INPP5K: variants seen among roughly 807,000 people sequenced by gnomAD.
The protein encoded by INPP5K is inositol polyphosphate-5-phosphatase K, also known as inositol polyphosphate 5-phosphatase K.
In INPP5K, 35 loss-of-function variants were observed where a neutral mutation model predicts 53.5. The observed-to-expected ratio is 0.65, with a 90% CI of 0.50 to 0.87. INPP5K has a LOEUF of 0.87. Among genes scored for constraint, INPP5K ranks in the 40% least tolerant of loss-of-function variants. The probability of loss-of-function intolerance (pLI) is 0.00; values close to 1 mark genes in which losing one functional copy is unlikely to be tolerated. For synonymous variants in INPP5K, 253 were observed against 232.8 expected (o/e 1.09, Z -0.79); for missense variants, 550 against 586.2 (o/e 0.94, Z 0.64).
intron 10 of INPP5K, 76 bp from the exon 11 acceptor site, chr17:1,496,240 A>C: frequency 6.7e-7 from 1 of 1,498,114 alleles, no homozygotes; most frequent in Non-Finnish European, 9.2e-7. Context: ...CAAGTTATTC[A>C]GCACTCTGTT....
intron 2 of INPP5K, 139 bp from the exon 3 acceptor site, chr17:1,513,700 C>G: frequency 2.2e-6 from 2 of 917,472 alleles, no homozygotes. Flanking sequence ...CTGCTGATCT[C>G]CAGCCCCCTT....
Position 1,495,540 on chromosome 17 carries a change from C to A in INPP5K, c.*283G>T. On this transcript the variant is annotated 3_prime_UTR_variant, in exon 12 of 12. Coordinates refer to ENST00000421807, the MANE Select transcript of INPP5K (RefSeq NM_016532.4). Reference sequence around the variant, plus strand: ...CAAGACTAGAAGAGGGGGTAGGAATCCAGAAATGAGACGCAGAACTGTCCC... The same window carrying A: ...CAAGACTAGAAGAGGGGGTAGGAATACAGAAATGAGACGCAGAACTGTCCC... 1 of 411,988 alleles carries A rather than the reference C, an allele frequency of 2.4e-6. No individual in the cohort carries two copies. The highest frequency in any genetic ancestry group is 4.4e-6 in the Non-Finnish European group (1 of 228,500). The allele number at this position is 411,988 out of a possible 1,614,324, so 25.5% of individuals were successfully genotyped here.
In INPP5K at chr17:1,495,899, G is replaced by T. The variant is rs1598356674; in HGVS notation, c.1291-20C>A. On this transcript the variant is annotated intron_variant, in intron 11 of 11. Transcript: ENST00000421807. The stretch of plus-strand genomic sequence containing the variant: ...CGGGATCTGCAGGGATAAAGCAGGT[G>T]GTGGAAATGGAGAGCGGGTCTTCCT... The T allele has an allele frequency of 6.2e-7, 1 of 1,602,392 alleles. No individual in the cohort carries two copies. The highest frequency in any genetic ancestry group is 8.5e-7 in the Non-Finnish European group (1 of 1,170,020).
At chr17:1,507,121 G>T in intron 6 of INPP5K, 32 bp from the exon 7 acceptor site, 5 of 1,568,918 alleles carry the variant, frequency 3.2e-6, no homozygotes, top group Non-Finnish European at 4.4e-6. Context: ...CCGTCTCCCA[G>T]TAGTCTCGAC....
intron 7 of INPP5K, among the ~76,000 whole-genome samples, chr17:1,499,235 C>A (rs149378314): frequency 6.6e-6 from 1 of 152,128 alleles, no homozygotes; most frequent in Non-Finnish European, 1.5e-5. Flanking sequence ...ACTGAGAGGC[C>A]GCGCGCGGTG....
At position 1,496,947 on chromosome 17, in the gene INPP5K, C is replaced by A. The variant is rs1018058164; in HGVS notation, c.964-144G>T. The stretch of plus-strand genomic sequence containing the variant: ...GGGCATGGAACTCCACTGGGCTGCT[C>A]CAACGGACCTTGGCTGGCCATCAGG... On this transcript the variant is annotated intron_variant, in intron 8 of 11. Transcript: ENST00000421807. 9.1e-6 allele frequency: 7 copies of A among 772,300 alleles called. No homozygotes were observed. The Admixed American group carries it at 1.8e-4, about 19-fold the overall frequency. 47.8% of individuals were successfully genotyped at this position (772,300 alleles called of 1,614,324 possible).
In INPP5K at chr17:1,509,703, T is replaced by TG; in HGVS notation, c.357dup (p.Thr120HisfsTer46). 2 of 1,608,084 alleles carry TG rather than the reference T, an allele frequency of 1.2e-6. No individual in the cohort carries two copies. The highest frequency in any genetic ancestry group is 1.7e-6 in the Non-Finnish European group (2 of 1,174,780). On this transcript the variant is annotated frameshift_variant, in exon 4 of 12. Transcript: ENST00000421807. LOFTEE classifies it high-confidence loss of function. ...CTTACCCAGTACCCAAACAGGCCAG[T>TG]GGGGGTGGATTTAGTAGACAGAATC...
chr17:1,515,264 T>C (rs1270083511), intron 1 of INPP5K, among the ~76,000 whole-genome samples: 2 of 152,238 alleles, frequency 1.3e-5, no homozygotes, highest in Admixed American at 6.5e-5. Flanking sequence ...CTATGCTCTA[T>C]GTCTGCGTAG....
intron 2 of INPP5K, 59 bp from the exon 3 acceptor site, chr17:1,513,620 G>A: frequency 4.3e-6 from 6 of 1,398,676 alleles, no homozygotes; most frequent in Non-Finnish European, 6.1e-6. Context: ...CCCTGCCACA[G>A]ATATTTGATA....
At chr17:1,507,543 T>G (rs76565961) in intron 6 of INPP5K, 7,861 of 161,514 alleles carry the variant, frequency 0.049, 250 homozygotes, top group Non-Finnish European at 0.07. Flanking sequence ...CTATTCTTCT[T>G]CTTTTTTTTT....
rs1399068419 is a variant in INPP5K, at chr17:1,498,064, G to A, written c.835C>T (p.Pro279Ser). The A allele has an allele frequency of 1.2e-6, 2 of 1,614,028 alleles. No homozygotes were observed. The highest frequency in any genetic ancestry group is 1.7e-5 in the Admixed American group (1 of 60,028). ...DRILWRLKRQ[P>S]CAGPDTPIPP... ...ATGGGAGTGTCGGGGCCAGCACAGG[G>A]CTGCCGCTTCAGCCTCCACAGGATG... The change falls in exon 8 of 12, where the codon CCC becomes TCC. Residue 279 changes from proline (P) to serine (S), a missense_variant. Coordinates refer to ENST00000421807, the MANE Select transcript of INPP5K (RefSeq NM_016532.4).
At position 1,506,973 on chromosome 17, in the gene INPP5K, T is replaced by A. The variant is rs1472260858; in HGVS notation, c.776+7A>T. The A allele has an allele frequency of 1.2e-6, 2 of 1,604,750 alleles. No individual in the cohort carries two copies. The highest frequency in any genetic ancestry group is 3.3e-5 in the Admixed American group (2 of 59,934). Reference sequence around the variant, plus strand: ...CTAGACCTTCTGGCCCCCCACTCCCTCCTCACCTGGTGTCATAGTCGTTGG... The same window carrying A: ...CTAGACCTTCTGGCCCCCCACTCCCACCTCACCTGGTGTCATAGTCGTTGG... On this transcript the variant is annotated splice_region_variant and intron_variant, in intron 7 of 11. Coordinates refer to ENST00000421807, the MANE Select transcript of INPP5K (RefSeq NM_016532.4).
chr17:1,506,414 T>C (rs1452893053), intron 7 of INPP5K, among the ~76,000 whole-genome samples: 3 of 152,170 alleles, frequency 2.0e-5, no homozygotes, highest in African/African-American at 4.8e-5. Flanking sequence ...AGGTGTGTGC[T>C]CTTCTCATCC....
chr17:1,508,370 T>A (rs1386831031), intron 5 of INPP5K, 144 bp from the exon 6 acceptor site: 3 of 687,172 alleles, frequency 4.4e-6, no homozygotes, highest in Non-Finnish European at 7.9e-6. Flanking sequence ...CACGCGTGGG[T>A]CCTCTGGAAC....
At chr17:1,510,256 G>A (rs763391084) in intron 3 of INPP5K, among the ~76,000 whole-genome samples, 3 of 151,818 alleles carry the variant, frequency 2.0e-5, no homozygotes, top group East Asian at 1.9e-4. Context: ...TCGCTCTGTC[G>A]CCCAGGCTGG....
chr17:1,508,350 G>A, intron 5 of INPP5K, 124 bp from the exon 6 acceptor site: 1 of 754,020 alleles, frequency 1.3e-6, no homozygotes, highest in Non-Finnish European at 2.4e-6. Flanking sequence ...GGGCAAGTGA[G>A]ACGCCAGGGC....
At chr17:1,515,556 C>T in intron 1 of INPP5K, 1 of 985,720 alleles carries the variant, frequency 1.0e-6, no homozygotes. Flanking sequence ...CCTAGGCACA[C>T]GATGAGGAGT....
chr17:1,513,840 A>C (rs762851061), intron 2 of INPP5K, 32 bp downstream of exon 2: 1 of 1,511,206 alleles, frequency 6.6e-7, no homozygotes, highest in Non-Finnish European at 9.2e-7. Flanking sequence ...GGGACTGGTC[A>C]GGGATGGGCG....
intron 3 of INPP5K, among the ~76,000 whole-genome samples, chr17:1,511,273 G>C (rs929939343): frequency 9.9e-5 from 15 of 151,888 alleles, no homozygotes; most frequent in African/African-American, 3.4e-4. Flanking sequence ...TAAGGAACCA[G>C]TAGGGCTACC....
Sources: gnomAD v4.1 joint callset for allele counts (sites outside exome capture counted in the v4.1 genomes callset) on GRCh38, gnomAD v4.1.1 for gene constraint, MANE v1.5 for transcripts, NCBI Gene and HGNC (gene_info 2026-07-23, HGNC 2026-07-21) for gene names.